CCDC85A: variants seen among roughly 807,000 people sequenced by gnomAD.
CCDC85A encodes coiled-coil domain-containing protein 85A.
A neutral mutation model predicts 50.2 loss-of-function variants in CCDC85A; 38 were observed. The observed-to-expected ratio is 0.76, with a 90% CI of 0.58 to 0.99. The LOEUF (loss-of-function observed/expected upper bound fraction) is 0.99. CCDC85A is among the 50% of genes least tolerant of loss of function. CCDC85A has a pLI of 0.00. For synonymous variants in CCDC85A, 366 were observed against 301.4 expected, an observed-to-expected ratio of 1.21 and a Z score of -2.22; for missense variants, 820 against 742.0, an observed-to-expected ratio of 1.11 and a Z score of -1.22.
chr2:56,338,469 C>A (rs76958562), intron 2 of CCDC85A, among the ~76,000 whole-genome samples: 3,256 of 152,192 alleles, frequency 0.021, 62 homozygotes, highest in Non-Finnish European at 0.035. Context: ...TGTTCCAGTA[C>A]CCAAAAGGCT....
intron 2 of CCDC85A, among the ~76,000 whole-genome samples, chr2:56,234,187 A>G (rs1668899006): frequency 6.6e-6 from 1 of 152,178 alleles, no homozygotes; most frequent in Non-Finnish European, 1.5e-5. Context: ...GAGTGAAACC[A>G]TGAGCCCATA....
intron 2 of CCDC85A, among the ~76,000 whole-genome samples, chr2:56,239,081 C>T (rs1669145305): frequency 6.6e-6 from 1 of 152,016 alleles, no homozygotes; most frequent in Non-Finnish European, 1.5e-5. Context: ...GGTTTCCTCT[C>T]CCAAGTGCAC....
chr2:56,299,218 G>A (rs1672092944), intron 2 of CCDC85A, among the ~76,000 whole-genome samples: 1 of 152,156 alleles, frequency 6.6e-6, no homozygotes, highest in Admixed American at 6.6e-5. Context: ...AATATTGCCT[G>A]CCAATTTGGT....
chr2:56,303,365 A>G (rs920588005), intron 2 of CCDC85A, among the ~76,000 whole-genome samples: 1 of 152,158 alleles, frequency 6.6e-6, no homozygotes. Flanking sequence ...CCCAGGGGGC[A>G]TCAGTTGTTA....
At chr2:56,296,287 G>T (rs1454955517) in intron 2 of CCDC85A, among the ~76,000 whole-genome samples, 2 of 152,128 alleles carry the variant, frequency 1.3e-5, no homozygotes, top group Non-Finnish European at 2.9e-5. Flanking sequence ...TAATGGTTCA[G>T]AAGGGTTTCT....
chr2:56,326,298 TAAATACATGTAA>T (rs1411161211), intron 2 of CCDC85A, among the ~76,000 whole-genome samples: 1 of 152,176 alleles, frequency 6.6e-6, no homozygotes, highest in Non-Finnish European at 1.5e-5. Context: ...CAGTGAAGAT[TAAATACATGTAA>T]AAAATGCATG....
At chr2:56,372,320 G>T (rs1413688692) in intron 3 of CCDC85A, 24 bp from the exon 4 acceptor site, 2 of 1,531,336 alleles carry the variant, frequency 1.3e-6, no homozygotes, top group African/African-American at 2.8e-5. Flanking sequence ...CTGAGTGATT[G>T]TACCATATTG....
chr2:56,202,080 TA>T (rs2103853459), intron 2 of CCDC85A, among the ~76,000 whole-genome samples: 1 of 152,310 alleles, frequency 6.6e-6, no homozygotes, highest in East Asian at 1.9e-4. Flanking sequence ...ATAAAGACCC[TA>T]AATGGAATAA....
At chr2:56,314,606 A>C (rs1672838263) in intron 2 of CCDC85A, among the ~76,000 whole-genome samples, 1 of 151,934 alleles carries the variant, frequency 6.6e-6, no homozygotes. Context: ...CAATTCTGAA[A>C]CTGATTGACC....
At chr2:56,209,849 T>C (rs1677113433) in intron 2 of CCDC85A, among the ~76,000 whole-genome samples, 1 of 152,084 alleles carries the variant, frequency 6.6e-6, no homozygotes. Flanking sequence ...GAATTCCTGC[T>C]TTATAGGTCA....
chr2:56,192,711 C>G lies in CCDC85A; in HGVS notation c.511C>G (p.Leu171Val), dbSNP rs1165029682. Reference sequence around the variant, plus strand: ...CATGGAGCTCAAGGAGCTCTGTGTGCTACTAGATGAGGAGAAGGGTGCAGG... The same window carrying G: ...CATGGAGCTCAAGGAGCTCTGTGTGGTACTAGATGAGGAGAAGGGTGCAGG... The part of the protein sequence containing the change: ...ENMELKELCV[L>V]LDEEKGAGCA... The change falls in exon 2 of 6, where the codon CTA (leucine) becomes GTA (valine). Residue 171 changes from leucine to valine, a missense_variant. Transcript: ENST00000407595. The surrounding 1 kb of genome is among the most constrained non-coding windows in gnomAD (Gnocchi z 4.7). 5 of 1,613,700 alleles carry G rather than the reference C, an allele frequency of 3.1e-6. No individual in the cohort carries two copies. The highest frequency in any genetic ancestry group is 4.2e-6 in the Non-Finnish European group (5 of 1,179,852).
Position 56,340,646 on chromosome 2 carries a change from C to T in CCDC85A, c.1241-2233C>T, listed in dbSNP as rs367993631. On this transcript the variant is annotated intron_variant, in intron 2 of 5. Transcript: ENST00000407595. Reference sequence around the variant, plus strand: ...ATCCCAGCACTTTGGGAGGCCGAGGCGGGAGGATCTTTTGAGGTCGGGAGT... The same window carrying T: ...ATCCCAGCACTTTGGGAGGCCGAGGTGGGAGGATCTTTTGAGGTCGGGAGT... 2.9e-4 allele frequency among the ~76,000 whole-genome samples: 44 copies of T among 151,970 alleles called. 1 individual carries two copies. The South Asian group carries it at 6.0e-3, about 21-fold the overall frequency.
intron 3 of CCDC85A, among the ~76,000 whole-genome samples, chr2:56,365,631 C>G (rs934755176): frequency 6.6e-6 from 1 of 152,120 alleles, no homozygotes; most frequent in Non-Finnish European, 1.5e-5. Flanking sequence ...TTTAAAAAAA[C>G]TTTTTTTACA....
intron 2 of CCDC85A, among the ~76,000 whole-genome samples, chr2:56,209,107 G>T (rs1338965811): frequency 6.6e-6 from 1 of 152,114 alleles, no homozygotes; most frequent in Non-Finnish European, 1.5e-5. Context: ...ATTTGAATTT[G>T]CTGCCTGAGT....
chr2:56,270,245 C>T (rs1417563365), intron 2 of CCDC85A, among the ~76,000 whole-genome samples: 1 of 151,990 alleles, frequency 6.6e-6, no homozygotes, highest in African/African-American at 2.4e-5. Context: ...GAAAAATTAG[C>T]ATTAATTTAA....
intron 2 of CCDC85A, among the ~76,000 whole-genome samples, chr2:56,268,594 C>CAAAAAAAAAAAAA (rs59245276): frequency 9.7e-6 from 1 of 102,810 alleles, no homozygotes. Flanking sequence ...GATTCCGTCT[C>CAAAAAAAAAAAAA]AAAAAAAAAA....
intron 2 of CCDC85A, among the ~76,000 whole-genome samples, chr2:56,196,463 A>C (rs7594008): frequency 0.16 from 25,108 of 152,194 alleles, 2,154 homozygotes; most frequent in Admixed American, 0.21. Context: ...GACAGCCTCA[A>C]CTATTGAGAA....
rs988502669 is a variant in CCDC85A at position 56,372,387 on chromosome 2, A to C, written c.1361A>C (p.Asn454Thr). ...CAACCTCCAACTAGAAACAGCTCAA[A>C]TATGGAGAAAGGCTGGGGGTCCAGA... ...RRQPPTRNSS[N>T]MEKGWGSRAR... The change falls in exon 4 of 6, where the codon AAT becomes ACT. Residue 454 changes from asparagine (N) to threonine (T), a missense_variant. Transcript: ENST00000407595. The C allele has an allele frequency of 2.5e-6, 4 of 1,598,374 alleles. No homozygotes were observed. Among genetic ancestry groups the C allele is most frequent in the East Asian group, 2.3e-5 (1 of 44,296 alleles).
In CCDC85A at chr2:56,339,073, A is replaced by G. The variant is rs187890096; in HGVS notation, c.1241-3806A>G. Among the ~76,000 whole-genome samples the G allele has an allele frequency of 4.9e-3, 752 of 152,324 alleles. 6 individuals carry two copies. The highest frequency in any genetic ancestry group is 0.017 in the Middle Eastern group (5 of 294). On this transcript the variant is annotated intron_variant, in intron 2 of 5. Transcript: ENST00000407595. ...AACAGGACCTTCTGGAATGCCTGTAATCTAATAGGGAATGTGTGTTCTGAG... is the reference window on the plus strand; with the variant it reads ...AACAGGACCTTCTGGAATGCCTGTAGTCTAATAGGGAATGTGTGTTCTGAG...
Sources: gnomAD v4.1 joint callset for allele counts (sites outside exome capture counted in the v4.1 genomes callset) on GRCh38, gnomAD v4.1.1 for gene constraint, Gnocchi (gnomAD v3.1) non-coding constraint, MANE v1.5 for transcripts, NCBI Gene and HGNC (gene_info 2026-07-23, HGNC 2026-07-21) for gene names.